Variants in FBXW10B observed in about 807,000 individuals in gnomAD.
FBXW10B encodes the protein F-box and WD repeat domain containing 10B, also known as F-box and WD repeat domain containing protein 10B.
chr17:15,607,820 A>G, the FBXW10B span: 12 of 686,972 alleles, frequency 1.7e-5, no homozygotes, highest in Non-Finnish European at 2.6e-5. Flanking sequence ...TGCTCTGCAG[A>G]GAAGGGAGCA....
the FBXW10B span, among the ~76,000 whole-genome samples, chr17:15,605,608 G>A: frequency 1.1e-4 from 17 of 152,170 alleles, no homozygotes; most frequent in Non-Finnish European, 1.6e-4. Context: ...ACTCTCATAC[G>A]ATGACAAAAA....
the FBXW10B span, among the ~76,000 whole-genome samples, chr17:15,589,474 C>T: frequency 7.3e-3 from 1,102 of 150,688 alleles, 13 homozygotes; most frequent in Middle Eastern, 0.038. Context: ...AAAGGGGTTT[C>T]ATCTCACGAG....
the FBXW10B span, among the ~76,000 whole-genome samples, chr17:15,608,946 T>C: frequency 6.6e-6 from 1 of 151,848 alleles, no homozygotes; most frequent in Non-Finnish European, 1.5e-5. Context: ...TCTTTCTTTA[T>C]TTCCTTCCTG....
the FBXW10B span, among the ~76,000 whole-genome samples, chr17:15,580,648 A>G: frequency 7.2e-6 from 1 of 139,480 alleles, no homozygotes; most frequent in African/African-American, 2.6e-5. Context: ...GGTCCTTCCT[A>G]TTTAAATTAT....
chr17:15,569,455 C>CTTTTTATTT, the FBXW10B span, among the ~76,000 whole-genome samples: 8 of 59,192 alleles, frequency 1.4e-4, no homozygotes, highest in Admixed American at 2.4e-4. Flanking sequence ...TTTTCTTTTT[C>CTTTTTATTT]TTTTTTTTTT....
the FBXW10B span, chr17:15,593,252 C>T: frequency 6.2e-7 from 1 of 1,600,778 alleles, no homozygotes; most frequent in Non-Finnish European, 8.5e-7. Flanking sequence ...GACAGCAAAT[C>T]CAGGGCTGGT....
the FBXW10B span, among the ~76,000 whole-genome samples, chr17:15,582,741 G>A: frequency 4.6e-5 from 7 of 152,112 alleles, no homozygotes; most frequent in Admixed American, 2.0e-4. Flanking sequence ...ACAAAGTGGA[G>A]CCAAGAATAA....
the FBXW10B span, among the ~76,000 whole-genome samples, chr17:15,615,377 A>G: frequency 7.9e-6 from 1 of 127,220 alleles, no homozygotes; most frequent in African/African-American, 3.4e-5. Flanking sequence ...GCTGGAGTGC[A>G]GTGGCATGAT....
the FBXW10B span, chr17:15,594,822 G>T: frequency 1.9e-6 from 3 of 1,613,968 alleles, no homozygotes; most frequent in Non-Finnish European, 2.5e-6. Flanking sequence ...GGCCATCAGT[G>T]CTTCCTGAGA....
At chr17:15,606,640 T>A in the FBXW10B span, among the ~76,000 whole-genome samples, 2 of 145,152 alleles carry the variant, frequency 1.4e-5, no homozygotes, top group African/African-American at 2.8e-5. Flanking sequence ...TATATGTATA[T>A]GTGTATATAT....
At chr17:15,580,282 CAAT>C in the FBXW10B span, among the ~76,000 whole-genome samples, 2 of 152,036 alleles carry the variant, frequency 1.3e-5, no homozygotes, top group African/African-American at 4.8e-5. Flanking sequence ...ACTTTTTTTG[CAAT>C]ATTATCACAC....
chr17:15,588,908 T>G, the FBXW10B span: 13 of 1,614,038 alleles, frequency 8.1e-6, no homozygotes, highest in African/African-American at 1.7e-4. Flanking sequence ...GTTGCCATTC[T>G]GACCTTGGGG....
chr17:15,596,764 A>G, the FBXW10B span: 17 of 1,394,658 alleles, frequency 1.2e-5, no homozygotes, highest in Admixed American at 2.4e-5. Context: ...GCAAAGACTC[A>G]TCGAGCCCAT....
At chr17:15,568,794 C>T in the FBXW10B span, 2 of 1,166,852 alleles carry the variant, frequency 1.7e-6, no homozygotes, top group Non-Finnish European at 2.2e-6. Flanking sequence ...TATAAGCCAT[C>T]CTAGGCACTC....
chr17:15,572,893 C>CTGG, the FBXW10B span: 1 of 151,742 alleles, frequency 6.6e-6, no homozygotes, highest in Non-Finnish European at 1.5e-5. Flanking sequence ...ACAAATGGGG[C>CTGG]TGGTGTGATC....
chr17:15,613,058 C>T, the FBXW10B span, among the ~76,000 whole-genome samples: 1 of 151,926 alleles, frequency 6.6e-6, no homozygotes, highest in Non-Finnish European at 1.5e-5. Flanking sequence ...GTCAGACTGT[C>T]GCCAGCCTCA....
chr17:15,597,526 G>A, the FBXW10B span, among the ~76,000 whole-genome samples: 15 of 151,468 alleles, frequency 9.9e-5, no homozygotes, highest in African/African-American at 2.9e-4. Context: ...CCAGCTACTC[G>A]GGAGGCTGAG....
At chr17:15,592,504 A>G in the FBXW10B span, among the ~76,000 whole-genome samples, 2 of 152,002 alleles carry the variant, frequency 1.3e-5, no homozygotes, top group African/African-American at 4.8e-5. Flanking sequence ...ATTTTCATAT[A>G]ATAGCACCCT....
the FBXW10B span, among the ~76,000 whole-genome samples, chr17:15,569,914 G>A: frequency 6.6e-6 from 1 of 152,068 alleles, no homozygotes; most frequent in East Asian, 1.9e-4. Context: ...ACATTTCAAT[G>A]GCATTATTTG....
Sources: allele counts gnomAD v4.1 joint callset (sites outside exome capture counted in the v4.1 genomes callset), GRCh38; gene constraint gnomAD v4.1.1; transcripts MANE v1.5; gene names NCBI Gene and HGNC (gene_info 2026-07-23, HGNC 2026-07-21).